IL1RAPL2: variants seen among roughly 807,000 people sequenced by gnomAD.
IL1RAPL2 encodes the protein interleukin 1 receptor accessory protein like 2.
A neutral mutation model predicts 44.1 loss-of-function variants in IL1RAPL2; 3 were observed. That is an observed-to-expected ratio of 0.07 (90% CI 0.03 to 0.18). The LOEUF (loss-of-function observed/expected upper bound fraction) is 0.18. IL1RAPL2 is among the 10% of genes least tolerant of loss of function. The pLI, the probability that IL1RAPL2 is intolerant of heterozygous loss-of-function variation, is 1.00. For missense variants in IL1RAPL2, 391 were observed against 496.4 expected (o/e 0.79, Z 2.02); for synonymous variants, 181 against 178.8 (o/e 1.01, Z -0.10).
At chrX:105,322,346 T>G (rs1193265847) in intron 5 of IL1RAPL2, among the ~76,000 whole-genome samples, 1 of 112,583 alleles carries the variant, frequency 8.9e-6, no homozygotes, top group African/African-American at 3.2e-5. Flanking sequence ...TTATTTATTT[T>G]CCCAGTTTCT....
At chrX:105,672,525 G>C (rs1302138102) in intron 6 of IL1RAPL2, among the ~76,000 whole-genome samples, 2 of 112,769 alleles carry the variant, frequency 1.8e-5, no homozygotes, top group Non-Finnish European at 3.7e-5. Context: ...GTAGGGGGTA[G>C]AGGGATGTCT....
chrX:105,077,250 A>G (rs2032321799), intron 2 of IL1RAPL2, among the ~76,000 whole-genome samples: 1 of 111,145 alleles, frequency 9.0e-6, no homozygotes, highest in Admixed American at 9.6e-5. Flanking sequence ...TGGTGCCAAA[A>G]TCTCTCAGCA....
rs887575443 is a variant in IL1RAPL2, at chrX:104,654,781, G to A, written c.-19-4114G>A. Among the ~76,000 whole-genome samples the A allele has an allele frequency of 6.3e-5, 7 of 111,164 alleles. 1 individual carries two copies. Among genetic ancestry groups the A allele is most frequent in the African/African-American group, 2.3e-4 (7 of 30,581 alleles). On this transcript the variant is annotated intron_variant, in intron 1 of 10. Coordinates refer to ENST00000372582, the MANE Select transcript of IL1RAPL2 (RefSeq NM_017416.2). ...CCTTGGGCAGTATGGCCATTTTCAC[G>A]ATATTGATTCTTCCTATCCATGAGG...
At position 104,812,825 on chromosome X, in the gene IL1RAPL2, C is replaced by T. The variant is rs1472044735; in HGVS notation, c.82+153830C>T. On this transcript the variant is annotated intron_variant, in intron 2 of 10. Transcript: ENST00000372582. ...TGTGGTGGTGGGAAATGTCCTGCCT[C>T]GGGAGGGAGGGAAGGATGTGTAGAG... Among the ~76,000 whole-genome samples the T allele has an allele frequency of 5.4e-5, 6 of 110,558 alleles. No homozygotes were observed. In the East Asian group the frequency reaches 1.4e-3, roughly 26 times the overall value.
intron 5 of IL1RAPL2, among the ~76,000 whole-genome samples, chrX:105,345,559 GT>G (rs1556294460): frequency 3.2e-4 from 34 of 107,626 alleles, no homozygotes; most frequent in African/African-American, 1.0e-3. Context: ...TATCTGGAAA[GT>G]TTTTTTTTTC....
chrX:104,819,128 A>C (rs1030800413), intron 2 of IL1RAPL2, among the ~76,000 whole-genome samples: 1 of 112,386 alleles, frequency 8.9e-6, no homozygotes, highest in African/African-American at 3.2e-5. Flanking sequence ...AGGCAAAAAA[A>C]TGTGGTTCCA....
At chrX:104,877,114 T>C (rs1471142302) in intron 2 of IL1RAPL2, among the ~76,000 whole-genome samples, 15 of 111,270 alleles carry the variant, frequency 1.3e-4, no homozygotes, top group Non-Finnish European at 2.3e-4. Context: ...CACATTTTCT[T>C]AATCCAGTCT....
At chrX:104,882,235 A>G (rs1222376253) in intron 2 of IL1RAPL2, among the ~76,000 whole-genome samples, 2 of 112,417 alleles carry the variant, frequency 1.8e-5, no homozygotes, top group African/African-American at 6.5e-5. Context: ...TATATTTTTA[A>G]AGCCTTTTAA....
chrX:105,197,775 A>G (rs1252808350), intron 3 of IL1RAPL2, among the ~76,000 whole-genome samples: 6 of 107,909 alleles, frequency 5.6e-5, no homozygotes, highest in Non-Finnish European at 1.2e-4. Flanking sequence ...TTTTACTTTT[A>G]TTTTAGGCTC....
chrX:105,745,704 G>T (rs2038535546), intron 8 of IL1RAPL2, among the ~76,000 whole-genome samples: 1 of 110,626 alleles, frequency 9.0e-6, no homozygotes, highest in African/African-American at 3.3e-5. Context: ...TTAGAAACAG[G>T]GCAGGGTCTC....
At chrX:105,074,351 T>C (rs1160862818) in intron 2 of IL1RAPL2, among the ~76,000 whole-genome samples, 2 of 111,522 alleles carry the variant, frequency 1.8e-5, no homozygotes, top group African/African-American at 3.3e-5. Context: ...CAGATGGTTG[T>C]AGATATGCGG....
At chrX:105,276,920 C>A (rs993900818) in intron 5 of IL1RAPL2, among the ~76,000 whole-genome samples, 2 of 111,709 alleles carry the variant, frequency 1.8e-5, no homozygotes, top group Non-Finnish European at 3.8e-5. Context: ...ATCACACCAT[C>A]CAGTAGACTA....
chrX:105,300,695 C>G (rs2147674330), intron 5 of IL1RAPL2, among the ~76,000 whole-genome samples: 1 of 110,718 alleles, frequency 9.0e-6, no homozygotes, highest in Non-Finnish European at 1.9e-5. Context: ...GTTTCTGAGC[C>G]CCGACATCCC....
intron 5 of IL1RAPL2, chrX:105,407,047 G>T: frequency 1.3e-6 from 1 of 786,830 alleles, no homozygotes. Context: ...TGTCAGATGA[G>T]AATTTTAGAG....
chrX:104,672,344 G>C (rs766232677), intron 2 of IL1RAPL2, among the ~76,000 whole-genome samples: 30 of 110,532 alleles, frequency 2.7e-4, no homozygotes, highest in Admixed American at 2.2e-3. Context: ...AGAATATGCG[G>C]TGTTTGGTTT....
chrX:104,946,290 G>C (rs1449338361), intron 2 of IL1RAPL2, among the ~76,000 whole-genome samples: 3 of 91,409 alleles, frequency 3.3e-5, no homozygotes, highest in African/African-American at 8.1e-5. Flanking sequence ...GGAGAATGGC[G>C]TGAACCCGGG....
rs1485794659 is a variant in IL1RAPL2 at position 105,495,880 on chromosome X, C to T, written c.772+11493C>T. 2.7e-5 allele frequency among the ~76,000 whole-genome samples: 3 copies of T among 111,664 alleles called. No homozygotes were observed. In the Admixed American group the frequency reaches 2.9e-4, roughly 11 times the overall value. On this transcript the variant is annotated intron_variant, in intron 6 of 10. Transcript: ENST00000372582. ...GGCGTTCCAAAGTTAGCATGAAAAA[C>T]TGGTTCAGGCCATGACAGGAAGGGA... is the stretch of plus-strand genomic sequence containing the variant.
At chrX:105,241,002 G>A (rs569798443) in intron 4 of IL1RAPL2, among the ~76,000 whole-genome samples, 2 of 111,077 alleles carry the variant, frequency 1.8e-5, no homozygotes, top group South Asian at 7.7e-4. Context: ...AGCTGAGAGC[G>A]CACCACTGCA....
intron 2 of IL1RAPL2, among the ~76,000 whole-genome samples, chrX:104,746,637 ATTG>A (rs1282557200): frequency 3.6e-5 from 4 of 111,467 alleles, no homozygotes; most frequent in African/African-American, 1.3e-4. Flanking sequence ...TTTTCTGAAT[ATTG>A]TTCTTTAAAA....
Sources: allele counts gnomAD v4.1 joint callset (sites outside exome capture counted in the v4.1 genomes callset), GRCh38; gene constraint gnomAD v4.1.1; transcripts MANE v1.5; gene names NCBI Gene and HGNC (gene_info 2026-07-23, HGNC 2026-07-21).